Variants in NAALADL2 observed in about 807,000 individuals in gnomAD.
The protein encoded by NAALADL2 is N-acetylated alpha-linked acidic dipeptidase like 2, also known as inactive N-acetylated-alpha-linked acidic dipeptidase-like protein 2.
Under a neutral mutation model 87.2 loss-of-function variants are expected in NAALADL2, and 76 were observed. That is an observed-to-expected ratio of 0.87 (90% CI 0.72 to 1.05). The LOEUF is 1.05. Among genes scored for constraint, NAALADL2 ranks in the 50% least tolerant of loss-of-function variants. The pLI is 0.00. For synonymous variants in NAALADL2, 354 were observed against 331.0 expected (o/e 1.07, Z -0.75); for missense variants, 1,089 against 945.8 (o/e 1.15, Z -1.99).
At chr3:174,951,310 C>T (rs1916239) in intron 1 of NAALADL2, among the ~76,000 whole-genome samples, 5,811 of 151,978 alleles carry the variant, frequency 0.038, 326 homozygotes, top group African/African-American at 0.13. Context: ...TTAGCTTTTT[C>T]CATTAGAACA....
chr3:174,694,519 G>A (rs1728854232), intron 2 of NAALADL2, among the ~76,000 whole-genome samples: 2 of 151,984 alleles, frequency 1.3e-5, no homozygotes, highest in South Asian at 2.1e-4. Flanking sequence ...TGAATAAAAA[G>A]GCTTCACTTT....
chr3:175,053,380 G>A (rs964214707), intron 1 of NAALADL2, among the ~76,000 whole-genome samples: 2 of 152,136 alleles, frequency 1.3e-5, no homozygotes, highest in Non-Finnish European at 2.9e-5. Flanking sequence ...TCCGCCATCT[G>A]TGACAGCTTC....
intron 1 of NAALADL2, among the ~76,000 whole-genome samples, chr3:175,088,109 A>G (rs1719399240): frequency 6.6e-6 from 1 of 152,144 alleles, no homozygotes; most frequent in Non-Finnish European, 1.5e-5. Context: ...TTTATAAGGA[A>G]CACACCATGC....
At chr3:175,193,017 A>G (rs1198617677) in intron 2 of NAALADL2, among the ~76,000 whole-genome samples, 3 of 151,940 alleles carry the variant, frequency 2.0e-5, no homozygotes, top group Admixed American at 1.3e-4. Flanking sequence ...AAATTCACAC[A>G]CTTATCACTG....
chr3:175,290,734 A>G (rs1755545959), intron 4 of NAALADL2, among the ~76,000 whole-genome samples: 1 of 152,192 alleles, frequency 6.6e-6, no homozygotes, highest in Non-Finnish European at 1.5e-5. Flanking sequence ...AACGCTAGGC[A>G]TAAAGTTTAT....
intron 3 of NAALADL2, among the ~76,000 whole-genome samples, chr3:174,766,136 A>AT (rs1419150574): frequency 6.6e-6 from 1 of 152,196 alleles, no homozygotes; most frequent in Non-Finnish European, 1.5e-5. Context: ...ATGCCTCTTT[A>AT]TACCACCTTT....
At chr3:175,144,130 A>C (rs1382182394) in intron 2 of NAALADL2, among the ~76,000 whole-genome samples, 1 of 151,918 alleles carries the variant, frequency 6.6e-6, no homozygotes, top group South Asian at 2.1e-4. Flanking sequence ...TTTCCTCTTG[A>C]GTTACTAAAG....
intron 1 of NAALADL2, among the ~76,000 whole-genome samples, chr3:175,036,963 C>T (rs912877832): frequency 2.6e-5 from 4 of 152,004 alleles, no homozygotes; most frequent in Admixed American, 6.6e-5. Flanking sequence ...AGCTCTTCCA[C>T]ATTCACTCAG....
At chr3:174,595,826 CAT>C (rs1473440689) in intron 2 of NAALADL2, among the ~76,000 whole-genome samples, 2 of 152,068 alleles carry the variant, frequency 1.3e-5, no homozygotes, top group African/African-American at 4.8e-5. Context: ...GCCTGACCAA[CAT>C]GCAGAAACCC....
At chr3:175,171,243 T>G (rs1018837799) in intron 2 of NAALADL2, among the ~76,000 whole-genome samples, 6 of 151,962 alleles carry the variant, frequency 3.9e-5, no homozygotes, top group African/African-American at 1.4e-4. Flanking sequence ...AGAGAAGCAG[T>G]GTATACTGGA....
In NAALADL2 at chr3:175,697,889, A is replaced by T. The variant is rs13080486; in HGVS notation, c.1897-39417A>T. The stretch of plus-strand genomic sequence containing the variant: ...TGTATGTATACATATATATGTGTAT[A>T]TATGTATGTATACATATATATGTGT... On this transcript the variant is annotated intron_variant, in intron 11 of 13. Transcript: ENST00000454872. Among the ~76,000 whole-genome samples, 38 of 79,188 alleles carry T rather than the reference A, an allele frequency of 4.8e-4. 1 individual carries two copies. Among genetic ancestry groups the T allele is most frequent in the South Asian group, 2.0e-3 (5 of 2,460 alleles). 52.0% of individuals were successfully genotyped at this position (79,188 alleles called of 152,430 possible). A position where few individuals can be genotyped will look rare whatever the true frequency, so the allele number is the denominator to read the frequency against.
At chr3:175,461,487 G>A (rs1441919835) in intron 6 of NAALADL2, among the ~76,000 whole-genome samples, 3 of 152,010 alleles carry the variant, frequency 2.0e-5, no homozygotes, top group Non-Finnish European at 2.9e-5. Context: ...CTCTAATCAC[G>A]ACACCCCAAC....
chr3:175,512,149 T>C (rs915295650), intron 9 of NAALADL2, among the ~76,000 whole-genome samples: 3 of 152,086 alleles, frequency 2.0e-5, no homozygotes, highest in Non-Finnish European at 4.4e-5. Context: ...GAGGCTGAGA[T>C]TGGAGGATTA....
upstream of NAALADL2, among the ~76,000 whole-genome samples, chr3:174,857,496 T>G (rs1013829213): frequency 2.0e-5 from 3 of 152,172 alleles, no homozygotes; most frequent in African/African-American, 7.2e-5. Flanking sequence ...TAACTGTTAT[T>G]GACTAATTTC....
At chr3:175,681,067 C>A (rs1307882288) in intron 11 of NAALADL2, among the ~76,000 whole-genome samples, 5 of 152,092 alleles carry the variant, frequency 3.3e-5, no homozygotes, top group Non-Finnish European at 7.4e-5. Context: ...GAGCCGAGAT[C>A]GTGCCACTGC....
chr3:175,060,441 C>G (rs1365458739), intron 1 of NAALADL2, among the ~76,000 whole-genome samples: 1 of 152,200 alleles, frequency 6.6e-6, no homozygotes, highest in Non-Finnish European at 1.5e-5. Context: ...AAATATCCCA[C>G]AAATGGCAAG....
chr3:174,784,808 G>C (rs1716404369), intron 3 of NAALADL2, among the ~76,000 whole-genome samples: 2 of 152,106 alleles, frequency 1.3e-5, no homozygotes, highest in South Asian at 4.1e-4. Context: ...TTAGTCTCTT[G>C]TTTGTCATGA....
At chr3:175,319,298 A>C (rs1468477269) in intron 4 of NAALADL2, among the ~76,000 whole-genome samples, 1 of 152,332 alleles carries the variant, frequency 6.6e-6, no homozygotes, top group South Asian at 2.1e-4. Flanking sequence ...TTAGGTTCTC[A>C]ATGTTAGTTT....
chr3:175,418,479 G>A (rs907289672), intron 5 of NAALADL2, among the ~76,000 whole-genome samples: 3 of 152,098 alleles, frequency 2.0e-5, no homozygotes, highest in Non-Finnish European at 4.4e-5. Context: ...TTTGATCAAT[G>A]TTTCTAGAAG....
Sources: gnomAD v4.1 joint callset for allele counts (sites outside exome capture counted in the v4.1 genomes callset) on GRCh38, gnomAD v4.1.1 for gene constraint, MANE v1.5 for transcripts, NCBI Gene and HGNC (gene_info 2026-07-23, HGNC 2026-07-21) for gene names.